Variants in CACNA2D1 observed in about 807,000 individuals in gnomAD.
CACNA2D1 encodes voltage-dependent calcium channel subunit alpha-2/delta-1.
Under a neutral mutation model 171.5 loss-of-function variants are expected in CACNA2D1, and 53 were observed. That is an observed-to-expected ratio of 0.31 (90% CI 0.25 to 0.39). The LOEUF (loss-of-function observed/expected upper bound fraction) is 0.39. Ranked by LOEUF, CACNA2D1 falls within the 10% of genes least tolerant of loss-of-function variation. CACNA2D1 has a pLI of 1.00. For missense variants in CACNA2D1, 903 were observed against 1,299.8 expected, an observed-to-expected ratio of 0.69 and a Z score of 4.69; for synonymous variants, 442 against 443.1, an observed-to-expected ratio of 1.00 and a Z score of 0.03.
intron 3 of CACNA2D1, among the ~76,000 whole-genome samples, chr7:82,278,041 C>T (rs1809586799): frequency 1.3e-5 from 2 of 152,006 alleles, no homozygotes; most frequent in African/African-American, 4.8e-5. Flanking sequence ...GTCACCACAC[C>T]CAGCCTATAA....
intron 1 of CACNA2D1, among the ~76,000 whole-genome samples, chr7:82,404,617 G>T (rs1369468677): frequency 1.3e-5 from 2 of 152,114 alleles, no homozygotes; most frequent in Non-Finnish European, 2.9e-5. Flanking sequence ...AAAGAATTTT[G>T]TTTAAAGCAA....
chr7:81,970,370 G>A (rs1485365067), intron 27 of CACNA2D1, among the ~76,000 whole-genome samples: 3 of 151,330 alleles, frequency 2.0e-5, no homozygotes, highest in African/African-American at 7.3e-5. Context: ...TTGCTGATTG[G>A]TTATAATCAT....
rs192493000 is a variant in CACNA2D1, at chr7:82,430,385, T to G, written c.95+12980A>C. ...GTGAGCTAAGATCAGGCAGTTGCAC[T>G]CCAGCCTGGGTGATAGAGACAGACT... is the stretch of plus-strand genomic sequence containing the variant. On this transcript the variant is annotated intron_variant, in intron 1 of 38. Transcript: ENST00000356860. Among the ~76,000 whole-genome samples the G allele has an allele frequency of 5.8e-5, 8 of 136,998 alleles. No homozygotes were observed. The South Asian group carries it at 7.1e-4, about 12-fold the overall frequency. 89.9% of individuals were successfully genotyped at this position (136,998 alleles called of 152,430 possible).
chr7:82,041,321 A>C (rs10273848), intron 10 of CACNA2D1, among the ~76,000 whole-genome samples: 2,191 of 152,240 alleles, frequency 0.014, 53 homozygotes, highest in African/African-American at 0.05. Context: ...TCCAGGTGAC[A>C]CACAGAGGAA....
chr7:81,955,968 ATATATATATATATTTT>A (rs1793247458), intron 38 of CACNA2D1, among the ~76,000 whole-genome samples: 2 of 65,476 alleles, frequency 3.1e-5, no homozygotes, highest in African/African-American at 1.3e-4. Flanking sequence ...TGCTATATAT[ATATATATATATATTTT>A]TTTTTTTTTT....
intron 24 of CACNA2D1, among the ~76,000 whole-genome samples, chr7:81,974,981 A>C (rs1445625579): frequency 6.6e-6 from 1 of 152,042 alleles, no homozygotes; most frequent in Non-Finnish European, 1.5e-5. Flanking sequence ...GTGTATACCA[A>C]TGCAACAAAC....
chr7:82,126,944 T>A (rs2129063978), intron 5 of CACNA2D1, among the ~76,000 whole-genome samples: 1 of 152,326 alleles, frequency 6.6e-6, no homozygotes, highest in Admixed American at 6.5e-5. Context: ...GGACATAGAC[T>A]GAACCCCTGG....
At chr7:82,398,999 T>C (rs1325410258) in intron 1 of CACNA2D1, among the ~76,000 whole-genome samples, 2 of 152,124 alleles carry the variant, frequency 1.3e-5, no homozygotes, top group African/African-American at 4.8e-5. Flanking sequence ...AGGTGATTTT[T>C]ATAAGGGAAC....
intron 3 of CACNA2D1, among the ~76,000 whole-genome samples, chr7:82,247,854 T>C (rs1196054848): frequency 1.3e-5 from 2 of 152,190 alleles, no homozygotes; most frequent in Admixed American, 6.5e-5. Flanking sequence ...TATGAAATAC[T>C]GAAATCTGGG....
rs58786082 is a variant in CACNA2D1, at chr7:82,055,930, G to GTATATATATATATA, written c.879+4484_879+4497dup. ...AAGTATAATAAATATGTGTGTGTGT[G>GTATATATATATATA]TATATATATATATATATAATTTTTT... is the stretch of plus-strand genomic sequence containing the variant. On this transcript the variant is annotated intron_variant, in intron 10 of 38. Coordinates refer to ENST00000356860, the MANE Select transcript of CACNA2D1 (RefSeq NM_000722.4). 4.4e-4 allele frequency among the ~76,000 whole-genome samples: 49 copies of GTATATATATATATA among 111,452 alleles called. 1 individual carries two copies. Among genetic ancestry groups the GTATATATATATATA allele is most frequent in the Non-Finnish European group, 6.1e-4 (35 of 57,286 alleles). The allele number at this position is 111,452 out of a possible 152,430, so 73.1% of individuals were successfully genotyped here.
chr7:82,277,315 G>A (rs1402846040), intron 3 of CACNA2D1, among the ~76,000 whole-genome samples: 2 of 152,114 alleles, frequency 1.3e-5, no homozygotes, highest in East Asian at 3.9e-4. Context: ...TGATTTTCCT[G>A]CCTCAGCCCC....
chr7:82,376,661 G>A (rs1823048567), intron 1 of CACNA2D1, among the ~76,000 whole-genome samples: 1 of 152,166 alleles, frequency 6.6e-6, no homozygotes, highest in African/African-American at 2.4e-5. Flanking sequence ...ATCTGTGTAT[G>A]TATAGAATTT....
chr7:82,305,318 A>T lies in CACNA2D1; in HGVS notation c.294+29817T>A, dbSNP rs577993642. Among the ~76,000 whole-genome samples the T allele has an allele frequency of 5.9e-5, 9 of 152,320 alleles. No individual in the cohort carries two copies. In the South Asian group the frequency reaches 1.9e-3, roughly 32 times the overall value. Reference sequence around the variant, plus strand: ...GGGAACCAAAAATATTTCGCTCCAAAATATACTTCTTTGACATATTTTGAT... The same window carrying T: ...GGGAACCAAAAATATTTCGCTCCAATATATACTTCTTTGACATATTTTGAT... On this transcript the variant is annotated intron_variant, in intron 3 of 38. Coordinates refer to ENST00000356860, the MANE Select transcript of CACNA2D1 (RefSeq NM_000722.4).
chr7:82,113,208 A>G (rs1314165753), intron 6 of CACNA2D1, among the ~76,000 whole-genome samples: 3 of 152,122 alleles, frequency 2.0e-5, no homozygotes, highest in Admixed American at 2.0e-4. Flanking sequence ...AATTATACAA[A>G]GAACTATCAA....
chr7:82,245,781 A>G (rs1804848042), intron 3 of CACNA2D1, among the ~76,000 whole-genome samples: 1 of 152,154 alleles, frequency 6.6e-6, no homozygotes, highest in Non-Finnish European at 1.5e-5. Context: ...GTAACATTAA[A>G]GATACATGTA....
chr7:81,964,432 T>G (rs1794488279), intron 32 of CACNA2D1, 73 bp from the exon 33 acceptor site: 6 of 1,175,078 alleles, frequency 5.1e-6, no homozygotes, highest in African/African-American at 1.5e-5. Context: ...GAATCACCAC[T>G]ACAGTGAAAA....
intron 3 of CACNA2D1, among the ~76,000 whole-genome samples, chr7:82,279,881 G>T (rs1008158636): frequency 9.9e-5 from 15 of 151,908 alleles, no homozygotes; most frequent in African/African-American, 3.6e-4. Context: ...GACTAAACTT[G>T]GTCCAGGTAA....
At chr7:82,438,993 C>G (rs1830300912) in intron 1 of CACNA2D1, among the ~76,000 whole-genome samples, 1 of 152,002 alleles carries the variant, frequency 6.6e-6, no homozygotes, top group Admixed American at 6.6e-5. Flanking sequence ...TAAATGAGAT[C>G]AACAAATTGC....
chr7:82,299,150 T>A (rs1044422486), intron 3 of CACNA2D1, among the ~76,000 whole-genome samples: 2 of 152,022 alleles, frequency 1.3e-5, no homozygotes, highest in Non-Finnish European at 2.9e-5. Context: ...TCTCTGCTTA[T>A]CATACAAACA....
Sources: gnomAD v4.1 joint callset for allele counts (sites outside exome capture counted in the v4.1 genomes callset) on GRCh38, gnomAD v4.1.1 for gene constraint, MANE v1.5 for transcripts, NCBI Gene and HGNC (gene_info 2026-07-23, HGNC 2026-07-21) for gene names.